Variants in LARGE1 observed in about 807,000 individuals in gnomAD.
LARGE1 encodes the protein LARGE xylosyl- and glucuronyltransferase 1.
LARGE1 carries 43 observed loss-of-function variants against 87.6 expected under a neutral mutation model. The ratio of observed to expected loss-of-function variants is 0.49; its 90% CI spans 0.38 to 0.63. The LOEUF is 0.63. Ranked by LOEUF, LARGE1 falls within the 30% of genes least tolerant of loss-of-function variation. The pLI is 0.00. For synonymous variants in LARGE1, 434 were observed against 394.6 expected (o/e 1.10, Z -1.18); for missense variants, 802 against 1,000.2 (o/e 0.80, Z 2.67).
rs562064498 is a variant in LARGE1 at position 33,770,878 on chromosome 22, C to T, written c.-82-9320G>A. ...TCCCATTCTTGATAACTGTAATCTC[C>T]GCGTGACCATTCTCACATTCTTCCT... On this transcript the variant is annotated intron_variant, in intron 1 of 14. Coordinates refer to ENST00000397394, the MANE Select transcript of LARGE1 (RefSeq NM_133642.5). Among the ~76,000 whole-genome samples, 7 of 152,226 alleles carry T rather than the reference C, an allele frequency of 4.6e-5. No homozygotes were observed. The South Asian group carries it at 6.2e-4, about 14-fold the overall frequency.
At chr22:33,095,829 T>C in the LARGE1 span, among the ~76,000 whole-genome samples, 1 of 152,324 alleles carries the variant, frequency 6.6e-6, no homozygotes, top group South Asian at 2.1e-4. Flanking sequence ...GTGTGTCCTC[T>C]GCAGTCCTCA....
At chr22:33,795,106 A>C (rs139491772) in intron 1 of LARGE1, among the ~76,000 whole-genome samples, 4 of 152,320 alleles carry the variant, frequency 2.6e-5, no homozygotes, top group African/African-American at 9.6e-5. Flanking sequence ...GTCTTTAAAG[A>C]GGTTTGAATT....
chr22:33,782,884 T>A (rs1210512059), intron 1 of LARGE1, among the ~76,000 whole-genome samples: 25 of 125,470 alleles, frequency 2.0e-4, no homozygotes, highest in African/African-American at 7.1e-4. Flanking sequence ...AAATCAAGTT[T>A]AAAAAAAAAA....
chr22:33,500,442 A>G (rs1430362203), intron 6 of LARGE1, among the ~76,000 whole-genome samples: 1 of 152,252 alleles, frequency 6.6e-6, no homozygotes, highest in Non-Finnish European at 1.5e-5. Flanking sequence ...TGATGTTGAC[A>G]ATTAAAGCAA....
chr22:33,068,883 A>G, the LARGE1 span, among the ~76,000 whole-genome samples: 148 of 152,278 alleles, frequency 9.7e-4, 2 homozygotes, highest in African/African-American at 3.4e-3. Context: ...CCAAGATGGA[A>G]AAGGGGCTCT....
chr22:33,336,517 C>T (rs1015418182), intron 10 of LARGE1, among the ~76,000 whole-genome samples: 2 of 151,762 alleles, frequency 1.3e-5, no homozygotes, highest in African/African-American at 2.4e-5. Flanking sequence ...AGTTTTTATT[C>T]TCCATTTGAC....
intron 11 of LARGE1, among the ~76,000 whole-genome samples, chr22:33,259,895 TCTTGCTGAC>T (rs549563072): frequency 2.0e-5 from 3 of 152,264 alleles, no homozygotes; most frequent in East Asian, 1.9e-4. Context: ...ACATCTGGGG[TCTTGCTGAC>T]CCTGGAGAGA....
chr22:33,542,244 A>G (rs2077234949), intron 6 of LARGE1, among the ~76,000 whole-genome samples: 1 of 152,038 alleles, frequency 6.6e-6, no homozygotes, highest in African/African-American at 2.4e-5. Context: ...TATAGACTAC[A>G]ATCTAGCATG....
At chr22:33,389,545 T>C (rs1601671263) in intron 7 of LARGE1, among the ~76,000 whole-genome samples, 1 of 152,136 alleles carries the variant, frequency 6.6e-6, no homozygotes, top group East Asian at 1.9e-4. Context: ...ACAGAATCTG[T>C]TTTAGAAAAG....
rs1015361296 is a variant in LARGE1 at position 33,386,284 on chromosome 22, T to C, written c.893-1980A>G. On this transcript the variant is annotated intron_variant, in intron 7 of 14. Coordinates refer to ENST00000397394, the MANE Select transcript of LARGE1 (RefSeq NM_133642.5). ...TCAATTCACTGTTCAAAAGTAGCTATGTCAGATTCAAACTCAGATCTGCGT... is the reference window on the plus strand; with the variant it reads ...TCAATTCACTGTTCAAAAGTAGCTACGTCAGATTCAAACTCAGATCTGCGT... 1.3e-4 allele frequency among the ~76,000 whole-genome samples: 20 copies of C among 149,030 alleles called. 1 individual carries two copies. The highest frequency in any genetic ancestry group is 4.6e-4 in the African/African-American group (19 of 41,010).
intron 9 of LARGE1, among the ~76,000 whole-genome samples, chr22:33,371,387 T>G (rs974417395): frequency 6.6e-6 from 1 of 152,238 alleles, no homozygotes; most frequent in African/African-American, 2.4e-5. Context: ...TTCTGCTACA[T>G]GTTTTAAAGT....
At chr22:33,757,508 AT>A (rs2084561968) in intron 2 of LARGE1, among the ~76,000 whole-genome samples, 1 of 152,152 alleles carries the variant, frequency 6.6e-6, no homozygotes, top group South Asian at 2.1e-4. Context: ...GGCTGAGGTG[AT>A]TTGAGATCCT....
Position 33,706,496 on chromosome 22 carries a change from G to A in LARGE1, c.106+54875C>T, listed in dbSNP as rs189659084. 7.2e-5 allele frequency among the ~76,000 whole-genome samples: 11 copies of A among 152,242 alleles called. 2 individuals carry two copies. The highest frequency in any genetic ancestry group is 2.1e-4 in the South Asian group (1 of 4,824). Reference sequence around the variant, plus strand: ...AAGCCACAGGTTCAAGTCCCAACTCGGCCCATAACTCAATGTGTTACCTGG... The same window carrying A: ...AAGCCACAGGTTCAAGTCCCAACTCAGCCCATAACTCAATGTGTTACCTGG... On this transcript the variant is annotated intron_variant, in intron 2 of 14. Transcript: ENST00000397394.
At chr22:33,120,452 C>G in the LARGE1 span, among the ~76,000 whole-genome samples, 2 of 148,326 alleles carry the variant, frequency 1.3e-5, no homozygotes. Context: ...TTCCTTCTCT[C>G]TCTCTCTCTT....
Position 33,274,242 on chromosome 22 carries a change from C to A in LARGE1, c.*185G>T. On this transcript the variant is annotated 3_prime_UTR_variant, in exon 15 of 15. Transcript: ENST00000397394. ...CCTCTGGGAATGCAGGGTTGTGGGG[C>A]AGAGAGGGACTGGCTGGATCCTTGT... The A allele has an allele frequency of 1.5e-6, 1 of 662,478 alleles. No individual in the cohort carries two copies. Among genetic ancestry groups the A allele is most frequent in the East Asian group, 2.7e-5 (1 of 36,958 alleles). 41.0% of individuals were successfully genotyped at this position (662,478 alleles called of 1,614,324 possible).
chr22:33,382,009 G>C lies in LARGE1; in HGVS notation c.1041C>G (p.Phe347Leu), dbSNP rs191426678. The change falls in exon 9 of 15, where the codon TTC (phenylalanine) becomes TTG (leucine). Residue 347 changes from phenylalanine to leucine, a missense_variant. Physicochemically the swap from Phe to Leu is conservative, Grantham distance 22. This residue lies in a region of LARGE1 where 625 missense variants were observed against 841.9 expected (regional missense o/e 0.74). Coordinates refer to ENST00000397394, the MANE Select transcript of LARGE1 (RefSeq NM_133642.5). ...IFNAVIKQNP[F>L]LVYQLPCFWN... ...AGAAGCAGGGGAGCTGGTACACAAG[G>C]AAGGGGTTTTGTTTGATGACGGCAT... 1 of 1,614,170 alleles carries C rather than the reference G, an allele frequency of 6.2e-7. No homozygotes were observed. The highest frequency in any genetic ancestry group is 2.2e-5 in the East Asian group (1 of 44,862).
At chr22:33,106,823 C>T in the LARGE1 span, among the ~76,000 whole-genome samples, 1 of 152,150 alleles carries the variant, frequency 6.6e-6, no homozygotes, top group Admixed American at 6.5e-5. Flanking sequence ...TAGCAAAAAC[C>T]GCAATTACTT....
At chr22:33,809,214 G>C (rs1233868218) in intron 1 of LARGE1, among the ~76,000 whole-genome samples, 1 of 151,778 alleles carries the variant, frequency 6.6e-6, no homozygotes, top group Admixed American at 6.6e-5. Context: ...AGAGGCTGCG[G>C]TGAGCCGAGA....
At chr22:33,502,149 T>C (rs1201805571) in intron 6 of LARGE1, among the ~76,000 whole-genome samples, 1 of 150,304 alleles carries the variant, frequency 6.7e-6, no homozygotes, top group Admixed American at 6.6e-5. Context: ...TGAGCCGAGA[T>C]TGCACCACTG....
Sources: gnomAD v4.1 joint callset for allele counts (sites outside exome capture counted in the v4.1 genomes callset) on GRCh38, gnomAD v4.1.1 for gene constraint, gnomAD v4.1.1 regional missense constraint, MANE v1.5 for transcripts, NCBI Gene and HGNC (gene_info 2026-07-23, HGNC 2026-07-21) for gene names.